The following NOS1AP variants were observed in gnomAD, a reference collection of about 807,000 sequenced individuals.
The protein encoded by NOS1AP is nitric oxide synthase 1 adaptor protein.
Under a neutral mutation model 56.2 loss-of-function variants are expected in NOS1AP, and 21 were observed. The observed-to-expected ratio is 0.37, with a 90% CI of 0.26 to 0.54. The LOEUF (loss-of-function observed/expected upper bound fraction) is 0.54, where lower values mean the gene tolerates loss of function less well. NOS1AP is among the 20% of genes least tolerant of loss of function. NOS1AP has a pLI of 0.84. For missense variants in NOS1AP, 522 were observed against 657.8 expected, an observed-to-expected ratio of 0.79 and a Z score of 2.26; for synonymous variants, 270 against 274.6, an observed-to-expected ratio of 0.98 and a Z score of 0.17.
At chr1:162,087,596 A>G (rs1009179397) in intron 1 of NOS1AP, among the ~76,000 whole-genome samples, 3 of 152,280 alleles carry the variant, frequency 2.0e-5, no homozygotes, top group African/African-American at 2.4e-5. Flanking sequence ...GAGCTGATTT[A>G]GAACCTAAAT....
At chr1:162,282,079 G>A (rs994212916) in intron 2 of NOS1AP, among the ~76,000 whole-genome samples, 3 of 152,186 alleles carry the variant, frequency 2.0e-5, no homozygotes, top group African/African-American at 7.2e-5. Flanking sequence ...CAGCCTGGGG[G>A]ACAAGAGTGA....
intron 2 of NOS1AP, among the ~76,000 whole-genome samples, chr1:162,251,857 GTTTTTTTTTTTGTTTTTTT>G (rs1395151214): frequency 8.4e-4 from 84 of 100,458 alleles, no homozygotes; most frequent in Admixed American, 1.5e-3. Context: ...CTAGCTAGTT[GTTTTTTTTTTTGTTTTTTT>G]TTTTTTTTTT....
chr1:162,336,273 G>T (rs1025138284), intron 5 of NOS1AP, among the ~76,000 whole-genome samples: 7 of 152,102 alleles, frequency 4.6e-5, no homozygotes, highest in Non-Finnish European at 2.9e-5. Flanking sequence ...TTTTATAGGT[G>T]GGAAAATGGG....
chr1:162,356,270 C>T (rs945230379), intron 7 of NOS1AP, among the ~76,000 whole-genome samples: 2 of 152,168 alleles, frequency 1.3e-5, no homozygotes, highest in African/African-American at 2.4e-5. Flanking sequence ...TTCTATGAAT[C>T]GTAGAAGCCA....
chr1:162,092,091 G>T (rs1362389330), intron 1 of NOS1AP, among the ~76,000 whole-genome samples: 1 of 152,160 alleles, frequency 6.6e-6, no homozygotes, highest in Non-Finnish European at 1.5e-5. Flanking sequence ...ACAAAGGATG[G>T]GATTGGCATT....
At chr1:162,146,062 T>G (rs1025405811) in intron 1 of NOS1AP, among the ~76,000 whole-genome samples, 1 of 152,188 alleles carries the variant, frequency 6.6e-6, no homozygotes, top group African/African-American at 2.4e-5. Flanking sequence ...GCTGTAGAAC[T>G]GAGCAGCTTC....
At chr1:162,231,032 G>T (rs933459852) in intron 2 of NOS1AP, among the ~76,000 whole-genome samples, 1 of 152,104 alleles carries the variant, frequency 6.6e-6, no homozygotes, top group African/African-American at 2.4e-5. Flanking sequence ...GGATCATATA[G>T]TAATTCTATT....
chr1:162,124,507 G>GAC, intron 1 of NOS1AP, among the ~76,000 whole-genome samples: 1 of 150,544 alleles, frequency 6.6e-6, no homozygotes, highest in East Asian at 2.0e-4. Context: ...GTGTGTGTGT[G>GAC]ACACACACAC....
chr1:162,102,757 T>C (rs1158233950), intron 1 of NOS1AP, among the ~76,000 whole-genome samples: 1 of 152,198 alleles, frequency 6.6e-6, no homozygotes, highest in African/African-American at 2.4e-5. Flanking sequence ...TGGTTGTTTG[T>C]ATTTCTGTAG....
At chr1:162,272,678 T>C (rs1229363059) in intron 2 of NOS1AP, among the ~76,000 whole-genome samples, 1 of 152,114 alleles carries the variant, frequency 6.6e-6, no homozygotes. Flanking sequence ...GTCCCATATA[T>C]GTGAGCCTGT....
intron 6 of NOS1AP, among the ~76,000 whole-genome samples, chr1:162,352,208 T>C (rs7539260): frequency 0.19 from 28,451 of 152,060 alleles, 3,196 homozygotes; most frequent in South Asian, 0.36. Flanking sequence ...TACAGGCATG[T>C]ACCACCATGC....
chr1:162,282,455 A>G (rs980151112), intron 2 of NOS1AP, among the ~76,000 whole-genome samples: 2 of 152,120 alleles, frequency 1.3e-5, no homozygotes, highest in Admixed American at 6.6e-5. Flanking sequence ...CCATTCATCC[A>G]TTGATAGACA....
chr1:162,138,547 G>C (rs1649101147), intron 1 of NOS1AP, among the ~76,000 whole-genome samples: 1 of 152,222 alleles, frequency 6.6e-6, no homozygotes, highest in African/African-American at 2.4e-5. Flanking sequence ...AAGCTGGTGA[G>C]GCCAAGTGCC....
intron 4 of NOS1AP, among the ~76,000 whole-genome samples, chr1:162,323,590 G>A (rs988559012): frequency 8.5e-5 from 13 of 152,188 alleles, no homozygotes; most frequent in Admixed American, 7.9e-4. Context: ...AGCAGTACCT[G>A]ACAGATGGTA....
intron 2 of NOS1AP, among the ~76,000 whole-genome samples, chr1:162,216,213 A>G (rs1032611105): frequency 2.0e-5 from 3 of 152,120 alleles, no homozygotes; most frequent in Admixed American, 1.3e-4. Flanking sequence ...CCTGTGTCCC[A>G]TTCCTACTCT....
chr1:162,107,752 C>T lies in NOS1AP; in HGVS notation c.105+37470C>T, dbSNP rs1303881457. ...CCACAGAGAGGAACAGACAGGAACT[C>T]AGCCAACTGGCTTTAAAACACAGGG... On this transcript the variant is annotated intron_variant, in intron 1 of 9. Transcript: ENST00000361897. Among the ~76,000 whole-genome samples the T allele has an allele frequency of 2.6e-5, 4 of 152,274 alleles. No homozygotes were observed. The South Asian group carries it at 6.2e-4, about 24-fold the overall frequency.
intron 1 of NOS1AP, among the ~76,000 whole-genome samples, chr1:162,071,072 G>A (rs1417284012): frequency 6.6e-6 from 1 of 152,154 alleles, no homozygotes; most frequent in Admixed American, 6.5e-5. Context: ...TGAGTGAGGA[G>A]TTCTGGCTTC....
At chr1:162,269,230 A>G (rs1654513484) in intron 2 of NOS1AP, among the ~76,000 whole-genome samples, 1 of 152,230 alleles carries the variant, frequency 6.6e-6, no homozygotes, top group African/African-American at 2.4e-5. Context: ...GTCACCTTGC[A>G]GCCAATTTCT....
rs537380298 is a variant in NOS1AP, at chr1:162,195,686, A to C, written c.177+41210A>C. On this transcript the variant is annotated intron_variant, in intron 2 of 9. Transcript: ENST00000361897. ...ATGCCTGTCCTCTTGTCTTGAAATG[A>C]CTTTCATCTTTTCTGTTACTATTTG... Among the ~76,000 whole-genome samples the C allele has an allele frequency of 1.4e-4, 22 of 152,030 alleles. No individual in the cohort carries two copies. In the South Asian group the frequency reaches 4.6e-3, roughly 32 times the overall value.
Sources: gnomAD v4.1 joint callset for allele counts (sites outside exome capture counted in the v4.1 genomes callset) on GRCh38, gnomAD v4.1.1 for gene constraint, MANE v1.5 for transcripts, NCBI Gene and HGNC (gene_info 2026-07-23, HGNC 2026-07-21) for gene names.